KCNG3: variants seen among roughly 807,000 people sequenced by gnomAD.
The protein encoded by KCNG3 is potassium voltage-gated channel modifier subfamily G member 3.
A neutral mutation model predicts 29.0 loss-of-function variants in KCNG3; 15 were observed. The observed-to-expected ratio is 0.52, with a 90% CI of 0.35 to 0.80. The LOEUF (loss-of-function observed/expected upper bound fraction) is 0.80. Among genes scored for constraint, KCNG3 ranks in the 30% least tolerant of loss-of-function variants. The probability of loss-of-function intolerance (pLI) is 0.01; values close to 1 mark genes in which losing one functional copy is unlikely to be tolerated. For synonymous variants in KCNG3, 322 were observed against 248.9 expected (o/e 1.29, Z -2.76); for missense variants, 512 against 605.7 (o/e 0.85, Z 1.62).
At chr2:42,416,872 T>C in the KCNG3 span, among the ~76,000 whole-genome samples, 1 of 151,920 alleles carries the variant, frequency 6.6e-6, no homozygotes, top group Admixed American at 6.6e-5. Context: ...ACAGATATGT[T>C]AACTGCTCTG....
intron 1 of KCNG3, among the ~76,000 whole-genome samples, chr2:42,476,826 T>A (rs1242092562): frequency 1.3e-5 from 2 of 150,232 alleles, no homozygotes; most frequent in Admixed American, 6.7e-5. Context: ...GAACTGATAA[T>A]CATATAACTT....
chr2:42,452,940 C>T (rs1478202232), intron 1 of KCNG3, among the ~76,000 whole-genome samples: 1 of 152,124 alleles, frequency 6.6e-6, no homozygotes, highest in Non-Finnish European at 1.5e-5. Context: ...TGCTACCATG[C>T]CGGGGTAATT....
chr2:42,450,043 T>A (rs1036650552), intron 1 of KCNG3, among the ~76,000 whole-genome samples: 3 of 152,204 alleles, frequency 2.0e-5, no homozygotes, highest in African/African-American at 4.8e-5. Context: ...TATAAGGACC[T>A]TCCCAGCTCT....
the KCNG3 span, among the ~76,000 whole-genome samples, chr2:42,436,045 T>G: frequency 6.6e-6 from 1 of 152,310 alleles, no homozygotes; most frequent in East Asian, 1.9e-4. Context: ...GAAATATTAT[T>G]CAGTCGTAAA....
the KCNG3 span, among the ~76,000 whole-genome samples, chr2:42,421,384 A>G: frequency 6.6e-6 from 1 of 152,252 alleles, no homozygotes; most frequent in Non-Finnish European, 1.5e-5. Flanking sequence ...GGTTCAGTCA[A>G]CAAGTCCCCA....
At chr2:42,467,032 C>T (rs1040942927) in intron 1 of KCNG3, among the ~76,000 whole-genome samples, 1 of 152,024 alleles carries the variant, frequency 6.6e-6, no homozygotes, top group African/African-American at 2.4e-5. Flanking sequence ...GGATTATAGG[C>T]AGGAGCCACT....
At chr2:42,470,200 G>A (rs1673252715) in intron 1 of KCNG3, 2 of 423,118 alleles carry the variant, frequency 4.7e-6, no homozygotes, top group African/African-American at 2.1e-5. Context: ...GATATTATAA[G>A]ACAAAGCGAG....
At chr2:42,401,982 A>T in the KCNG3 span, among the ~76,000 whole-genome samples, 1 of 152,242 alleles carries the variant, frequency 6.6e-6, no homozygotes, top group African/African-American at 2.4e-5. Context: ...CGGGATGCCC[A>T]GATAGCTGGT....
the KCNG3 span, among the ~76,000 whole-genome samples, chr2:42,405,357 T>C: frequency 6.6e-6 from 1 of 152,194 alleles, no homozygotes; most frequent in African/African-American, 2.4e-5. Context: ...TGTGTTTGTT[T>C]TCTGTTTCAT....
chr2:42,438,482 T>G (rs868360312), downstream of KCNG3, among the ~76,000 whole-genome samples: 4 of 152,324 alleles, frequency 2.6e-5, no homozygotes, highest in Middle Eastern at 0.01. Context: ...CCAAATAATA[T>G]TCTCCCTTCA....
intron 1 of KCNG3, among the ~76,000 whole-genome samples, chr2:42,458,098 G>A (rs376559189): frequency 8.5e-5 from 13 of 152,048 alleles, no homozygotes; most frequent in African/African-American, 2.9e-4. Context: ...TTCCTCACTT[G>A]ATACTATTTT....
chr2:42,483,263 A>C (rs146798875), intron 1 of KCNG3, among the ~76,000 whole-genome samples: 454 of 152,372 alleles, frequency 3.0e-3, no homozygotes, highest in Non-Finnish European at 5.0e-3. Flanking sequence ...GTTATCATCA[A>C]TAAAGAATAG....
intron 1 of KCNG3, among the ~76,000 whole-genome samples, chr2:42,453,071 T>C (rs1558376483): frequency 6.6e-6 from 1 of 152,216 alleles, no homozygotes; most frequent in Non-Finnish European, 1.5e-5. Context: ...CGTGGGCCAC[T>C]GTGCCTGGCC....
intron 1 of KCNG3, among the ~76,000 whole-genome samples, chr2:42,449,273 AC>A (rs1162254590): frequency 6.6e-6 from 1 of 151,680 alleles, no homozygotes; most frequent in African/African-American, 2.4e-5. Context: ...GGGGGAAAAA[AC>A]AAAATCTAAA....
At chr2:42,420,512 G>A in the KCNG3 span, among the ~76,000 whole-genome samples, 4 of 152,228 alleles carry the variant, frequency 2.6e-5, no homozygotes, top group Middle Eastern at 6.8e-3. Flanking sequence ...ACAGGGGGCC[G>A]GGTGAGATGG....
the KCNG3 span, among the ~76,000 whole-genome samples, chr2:42,405,595 C>A: frequency 5.9e-5 from 9 of 151,274 alleles, no homozygotes; most frequent in Admixed American, 4.0e-4. Context: ...TCTGCCACCA[C>A]ATGTGACTAA....
intron 1 of KCNG3, among the ~76,000 whole-genome samples, chr2:42,470,424 C>A (rs532148956): frequency 1.3e-5 from 2 of 152,324 alleles, no homozygotes; most frequent in East Asian, 3.9e-4. Context: ...GTACTCCAGA[C>A]ACTTCGAGGT....
At chr2:42,434,748 T>C in the KCNG3 span, among the ~76,000 whole-genome samples, 1 of 151,620 alleles carries the variant, frequency 6.6e-6, no homozygotes, top group African/African-American at 2.4e-5. Context: ...ATACAATCTT[T>C]TGTTCTGGCA....
chr2:42,457,019 C>T (rs866534637), intron 1 of KCNG3, among the ~76,000 whole-genome samples: 39 of 152,020 alleles, frequency 2.6e-4, no homozygotes, highest in African/African-American at 9.4e-4. Context: ...CCATTCATAC[C>T]TCTTTATCTT....
Sources: gnomAD v4.1 joint callset for allele counts (sites outside exome capture counted in the v4.1 genomes callset) on GRCh38, gnomAD v4.1.1 for gene constraint, MANE v1.5 for transcripts, NCBI Gene and HGNC (gene_info 2026-07-23, HGNC 2026-07-21) for gene names.